Variants in SMC6 observed in about 807,000 individuals in gnomAD.
SMC6 encodes the protein structural maintenance of chromosomes protein 6.
In SMC6, 79 loss-of-function variants were observed where a neutral mutation model predicts 142.2. The ratio of observed to expected loss-of-function variants is 0.56; its 90% CI spans 0.46 to 0.67. The LOEUF (loss-of-function observed/expected upper bound fraction) is 0.67, where lower values mean the gene tolerates loss of function less well. Ranked by LOEUF, SMC6 falls within the 30% of genes least tolerant of loss-of-function variation. The pLI is 0.00. For missense variants in SMC6, 1,072 were observed against 1,284.0 expected, an observed-to-expected ratio of 0.83 and a Z score of 2.52; for synonymous variants, 411 against 412.4, an observed-to-expected ratio of 1.00 and a Z score of 0.04.
rs759692360 is a variant in SMC6 at position 17,715,076 on chromosome 2, G to C, written c.1526-11C>G. On this transcript the variant is annotated splice_polypyrimidine_tract_variant and intron_variant, in intron 15 of 27. Coordinates refer to ENST00000448223, the MANE Select transcript of SMC6 (RefSeq NM_001142286.2). ...GATGAATGCAAGCTCCTAAAAGTGA[G>C]AGAAAATTACAGAAGGGCTCATAAA... is the stretch of plus-strand genomic sequence containing the variant. 4 of 1,609,654 alleles carry C rather than the reference G, an allele frequency of 2.5e-6. No individual in the cohort carries two copies. Among genetic ancestry groups the C allele is most frequent in the Non-Finnish European group, 3.4e-6 (4 of 1,179,078 alleles).
intron 23 of SMC6, among the ~76,000 whole-genome samples, chr2:17,685,636 T>C (rs577368528): frequency 7.9e-5 from 12 of 151,556 alleles, no homozygotes; most frequent in African/African-American, 2.9e-4. Flanking sequence ...AAAATGGACA[T>C]ATAGAAGTAC....
At chr2:17,677,570 T>C (rs1415019177) in intron 25 of SMC6, among the ~76,000 whole-genome samples, 9 of 152,168 alleles carry the variant, frequency 5.9e-5, no homozygotes, top group Non-Finnish European at 2.9e-5. Context: ...GGAATTCCAA[T>C]TTGTCTACTC....
At chr2:17,746,029 G>T in intron 2 of SMC6, 78 bp from the exon 3 acceptor site, 2 of 1,326,656 alleles carry the variant, frequency 1.5e-6, no homozygotes, top group South Asian at 1.8e-5. Context: ...ATCTAACAAG[G>T]CTAATTAAAC....
chr2:17,721,379 A>C, intron 9 of SMC6, 118 bp from the exon 10 acceptor site: 1 of 991,332 alleles, frequency 1.0e-6, no homozygotes, highest in South Asian at 2.4e-5. Context: ...TATTCGTTTA[A>C]AAATAACTTC....
intron 2 of SMC6, among the ~76,000 whole-genome samples, chr2:17,752,567 T>C (rs1365687110): frequency 6.6e-6 from 1 of 152,204 alleles, no homozygotes; most frequent in Non-Finnish European, 1.5e-5. Flanking sequence ...TTTTAGGCAA[T>C]ATACTAGTGG....
chr2:17,701,983 A>T, intron 19 of SMC6, 74 bp from the exon 20 acceptor site: 1 of 765,226 alleles, frequency 1.3e-6, no homozygotes, highest in Non-Finnish European at 2.2e-6. Flanking sequence ...GGATTCATTA[A>T]TCTACAAAGC....
chr2:17,741,881 T>C (rs1484720726), intron 3 of SMC6, 152 bp from the exon 4 acceptor site: 1 of 541,928 alleles, frequency 1.8e-6, no homozygotes, highest in African/African-American at 1.9e-5. Flanking sequence ...AAGATGAAAT[T>C]AAATGGGAAC....
chr2:17,697,686 G>A (rs140685281), intron 21 of SMC6, among the ~76,000 whole-genome samples: 151 of 152,108 alleles, frequency 9.9e-4, no homozygotes, highest in Non-Finnish European at 1.4e-3. Flanking sequence ...AATTAAAAAG[G>A]CAGAAAATAA....
rs1670482423 is a variant in SMC6, at chr2:17,741,761, C to A, written c.121-32G>T. ...ATAAAAAACAATGGGAGAAAATGGT[C>A]AATCTAATTCACTCATTATAACCAT... On this transcript the variant is annotated intron_variant, in intron 3 of 27. Transcript: ENST00000448223. 4 of 1,394,994 alleles carry A rather than the reference C, an allele frequency of 2.9e-6. No individual in the cohort carries two copies. In the South Asian group the frequency reaches 3.6e-5, roughly 13 times the overall value. The allele number at this position is 1,394,994 out of a possible 1,614,324, so 86.4% of individuals were successfully genotyped here.
chr2:17,702,189 C>T (rs1668301922), intron 19 of SMC6, among the ~76,000 whole-genome samples: 1 of 152,150 alleles, frequency 6.6e-6, no homozygotes, highest in African/African-American at 2.4e-5. Context: ...AAAAATTTTT[C>T]TGAAACATCC....
At chr2:17,678,000 T>C (rs1184860936) in intron 25 of SMC6, among the ~76,000 whole-genome samples, 1 of 152,160 alleles carries the variant, frequency 6.6e-6, no homozygotes, top group African/African-American at 2.4e-5. Flanking sequence ...GTTCCTGACC[T>C]CCTGGCTACA....
Position 17,716,857 on chromosome 2 carries a change from TA to T in SMC6, c.1229del (p.Ile410AsnfsTer4), listed in dbSNP as rs775610040. On this transcript the variant is annotated frameshift_variant, in exon 14 of 28. Coordinates refer to ENST00000448223, the MANE Select transcript of SMC6 (RefSeq NM_001142286.2). LOFTEE classifies it high-confidence loss of function. ...CCTTTACTCTCTCTTTTAACCAAGA[TA>T]TTTTTTTTTGTCTTTCCAACCGTTC... ...EPERLERQKK[I>X]SWLKERVKAF... 19 of 1,612,546 alleles carry T rather than the reference TA, an allele frequency of 1.2e-5. No individual in the cohort carries two copies. Among genetic ancestry groups the T allele is most frequent in the Admixed American group, 3.3e-5 (2 of 59,788 alleles).
At chr2:17,724,039 A>G (rs983407345) in intron 9 of SMC6, among the ~76,000 whole-genome samples, 1 of 152,202 alleles carries the variant, frequency 6.6e-6, no homozygotes, top group Non-Finnish European at 1.5e-5. Flanking sequence ...TATACTTTGT[A>G]TACCATGGAG....
Position 17,747,652 on chromosome 2 carries a change from G to A in SMC6, c.-5-1701C>T, listed in dbSNP as rs183277765. Among the ~76,000 whole-genome samples the A allele has an allele frequency of 9.9e-5, 15 of 152,000 alleles. No homozygotes were observed. In the East Asian group the frequency reaches 2.9e-3, roughly 30 times the overall value. ...TCCCACGTAGCTGGGATTAAGGTGC[G>A]TGCCACCATGCCCAGCTAATTTTTT... On this transcript the variant is annotated intron_variant, in intron 2 of 27. Transcript: ENST00000448223.
chr2:17,714,083 GTTTTTTTTGTTTTTT>G, intron 16 of SMC6, among the ~76,000 whole-genome samples: 1 of 118,244 alleles, frequency 8.5e-6, no homozygotes, highest in Non-Finnish European at 1.7e-5. Context: ...TTCATTTTTT[GTTTTTTTTGTTTTTT>G]TTTTTTTTGA....
intron 26 of SMC6, among the ~76,000 whole-genome samples, chr2:17,669,424 A>G (rs566752582): frequency 3.9e-5 from 6 of 152,260 alleles, no homozygotes; most frequent in East Asian, 3.9e-4. Context: ...TGATATGTGT[A>G]TATTTGTAGG....
In SMC6 at chr2:17,700,191, G is replaced by A; in HGVS notation, c.2394+17C>T. On this transcript the variant is annotated intron_variant, in intron 21 of 27. Coordinates refer to ENST00000448223, the MANE Select transcript of SMC6 (RefSeq NM_001142286.2). ...AAACATAAAATACATACGTAACACA[G>A]TACCAAAAATATATACCTTAAGTGG... 4 of 1,548,198 alleles carry A rather than the reference G, an allele frequency of 2.6e-6. No homozygotes were observed. Among genetic ancestry groups the A allele is most frequent in the Non-Finnish European group, 3.5e-6 (4 of 1,141,530 alleles).
At chr2:17,747,168 T>C (rs1670794158) in intron 2 of SMC6, among the ~76,000 whole-genome samples, 1 of 152,092 alleles carries the variant, frequency 6.6e-6, no homozygotes, top group Admixed American at 6.5e-5. Flanking sequence ...TAATACGGTG[T>C]TACTTACTCC....
intron 25 of SMC6, among the ~76,000 whole-genome samples, chr2:17,670,852 A>C (rs560143415): frequency 6.6e-6 from 1 of 152,286 alleles, no homozygotes; most frequent in East Asian, 1.9e-4. Context: ...CTAATTTAAA[A>C]AATGTTAATA....
Sources: gnomAD v4.1 joint callset for allele counts (sites outside exome capture counted in the v4.1 genomes callset) on GRCh38, gnomAD v4.1.1 for gene constraint, MANE v1.5 for transcripts, NCBI Gene and HGNC (gene_info 2026-07-23, HGNC 2026-07-21) for gene names.